COPG2: variants seen among roughly 807,000 people sequenced by gnomAD.
COPG2 encodes the protein coatomer subunit gamma-2.
Under a neutral mutation model 46.3 loss-of-function variants are expected in COPG2, and 37 were observed. That is an observed-to-expected ratio of 0.80 (90% CI 0.61 to 1.05). COPG2 has a LOEUF of 1.05. COPG2 is among the 50% of genes least tolerant of loss of function. The pLI is 0.00. For missense variants in COPG2, 427 were observed against 387.8 expected, an observed-to-expected ratio of 1.10 and a Z score of -0.85; for synonymous variants, 159 against 129.7, an observed-to-expected ratio of 1.23 and a Z score of -1.53.
At chr7:130,517,180 G>T (rs991934973) in intron 20 of COPG2, among the ~76,000 whole-genome samples, 7 of 152,294 alleles carry the variant, frequency 4.6e-5, no homozygotes, top group South Asian at 2.1e-4. Flanking sequence ...GGTATTGACT[G>T]GGGGGTAAAG....
Position 130,616,627 on chromosome 7 carries a change from T to TA in COPG2, c.399+362dup, listed in dbSNP as rs559085642. On this transcript the variant is annotated intron_variant, in intron 6 of 23. Transcript: ENST00000425248. ...GAAAAAAAATCTGCTGTTGAATTCT[T>TA]AAAGCTGCCCAATTTCTTGCCCTGG... Among the ~76,000 whole-genome samples the TA allele has an allele frequency of 2.4e-3, 372 of 152,274 alleles. 1 individual carries two copies. Among genetic ancestry groups the TA allele is most frequent in the Non-Finnish European group, 3.4e-3 (234 of 68,016 alleles).
At chr7:130,624,907 CT>C (rs1795092233) in intron 5 of COPG2, among the ~76,000 whole-genome samples, 1 of 152,152 alleles carries the variant, frequency 6.6e-6, no homozygotes, top group Non-Finnish European at 1.5e-5. Flanking sequence ...ATAATGACTT[CT>C]TTTCCTTCGA....
At chr7:130,620,580 A>G (rs2116521299) in intron 5 of COPG2, among the ~76,000 whole-genome samples, 1 of 152,298 alleles carries the variant, frequency 6.6e-6, no homozygotes, top group African/African-American at 2.4e-5. Context: ...GGGAATGTAT[A>G]TAATTGTTAT....
intron 12 of COPG2, 132 bp downstream of exon 12, chr7:130,560,901 C>T (rs1793708311): frequency 2.5e-6 from 1 of 395,868 alleles, no homozygotes; most frequent in South Asian, 1.4e-4. Flanking sequence ...ACAGTAATAA[C>T]TATGAAAGAA....
intron 20 of COPG2, among the ~76,000 whole-genome samples, chr7:130,537,193 C>T (rs1007636064): frequency 1.3e-5 from 2 of 151,962 alleles, no homozygotes; most frequent in Non-Finnish European, 2.9e-5. Context: ...GCAGAGGCTC[C>T]CCAGAGTGTT....
chr7:130,605,544 C>T (rs1366393050), intron 9 of COPG2, among the ~76,000 whole-genome samples: 1 of 152,122 alleles, frequency 6.6e-6, no homozygotes, highest in Non-Finnish European at 1.5e-5. Flanking sequence ...GGCTCTGACA[C>T]GTATGAATCA....
intron 3 of COPG2, among the ~76,000 whole-genome samples, chr7:130,666,292 T>C (rs947743478): frequency 7.2e-5 from 11 of 152,232 alleles, no homozygotes; most frequent in Non-Finnish European, 7.3e-5. Context: ...GATCTTGCAC[T>C]GTATTTTCAG....
At chr7:130,550,713 C>A in intron 16 of COPG2, 64 bp from the exon 17 acceptor site, 1 of 388,940 alleles carries the variant, frequency 2.6e-6, no homozygotes, top group Non-Finnish European at 4.5e-6. Flanking sequence ...CAAATAGGCC[C>A]AGGTTTGTAA....
chr7:130,513,289 C>CT (rs1799626803), intron 20 of COPG2, among the ~76,000 whole-genome samples: 2 of 11,614 alleles, frequency 1.7e-4, no homozygotes, highest in African/African-American at 4.2e-4. Flanking sequence ...ATAATTCTGT[C>CT]TAAAAAAAAA....
intron 9 of COPG2, among the ~76,000 whole-genome samples, chr7:130,598,964 TC>T (rs1794581947): frequency 6.6e-6 from 1 of 152,166 alleles, no homozygotes. Context: ...GTTGCAAAGT[TC>T]CACGTCAAAA....
chr7:130,577,155 G>C (rs1049971541), intron 9 of COPG2, among the ~76,000 whole-genome samples: 2 of 152,216 alleles, frequency 1.3e-5, no homozygotes, highest in Non-Finnish European at 2.9e-5. Context: ...CAGAATGATT[G>C]AGAAGGAGGA....
At chr7:130,537,002 G>T (rs1269182215) in intron 20 of COPG2, among the ~76,000 whole-genome samples, 2 of 151,952 alleles carry the variant, frequency 1.3e-5, no homozygotes, top group Non-Finnish European at 2.9e-5. Context: ...GTGGGAGGAG[G>T]GTGGGACTGA....
At chr7:130,631,359 T>C (rs1038921698) in intron 5 of COPG2, among the ~76,000 whole-genome samples, 8 of 152,032 alleles carry the variant, frequency 5.3e-5, no homozygotes, top group African/African-American at 1.4e-4. Context: ...GGTTTCGCCA[T>C]GTTGGCCAGG....
Position 130,506,747 on chromosome 7 carries a change from C to T in COPG2, c.2545G>A (p.Val849Met), listed in dbSNP as rs1799498173. Residue 849 changes from valine (V) to methionine (M), a missense_variant, in exon 24 of 24, where the codon GTG becomes ATG. Coordinates refer to ENST00000425248, the MANE Select transcript of COPG2 (RefSeq NM_012133.6). The stretch of plus-strand genomic sequence containing the variant: ...CTTCTGACAGTCACCTGCATGGTCA[C>T]TCCATCGGCTAAGGCCAGCCTGGAC... ...VRSRLALADG[V>M]TMQVTVRSKE... 1.3e-6 allele frequency: 1 copy of T among 780,512 alleles called. No homozygotes were observed. Among genetic ancestry groups the T allele is most frequent in the African/African-American group, 1.7e-5 (1 of 59,130 alleles). 48.3% of individuals were successfully genotyped at this position (780,512 alleles called of 1,614,324 possible).
chr7:130,517,902 G>A (rs1799692163), intron 20 of COPG2, among the ~76,000 whole-genome samples: 1 of 148,340 alleles, frequency 6.7e-6, no homozygotes, highest in South Asian at 2.2e-4. Flanking sequence ...ATCTCAGAAG[G>A]AGTCTAATGG....
intron 5 of COPG2, among the ~76,000 whole-genome samples, chr7:130,641,473 AGAG>A (rs1316078921): frequency 2.6e-5 from 4 of 152,222 alleles, no homozygotes; most frequent in African/African-American, 9.6e-5. Context: ...GAGAAATCAA[AGAG>A]GAGAGGAAAT....
At chr7:130,525,208 C>A (rs886169270) in intron 20 of COPG2, among the ~76,000 whole-genome samples, 3 of 152,106 alleles carry the variant, frequency 2.0e-5, no homozygotes, top group Non-Finnish European at 4.4e-5. Flanking sequence ...CCTCACAAAT[C>A]TGTGGGGGTG....
chr7:130,613,474 A>AGT (rs1226384911), intron 7 of COPG2, 70 bp downstream of exon 7: 6 of 848,630 alleles, frequency 7.1e-6, no homozygotes, highest in Non-Finnish European at 1.2e-5. Context: ...AGACAATCAT[A>AGT]GTGATACTTT....
intron 6 of COPG2, among the ~76,000 whole-genome samples, chr7:130,615,587 T>C (rs1322348510): frequency 6.6e-6 from 1 of 152,246 alleles, no homozygotes; most frequent in Non-Finnish European, 1.5e-5. Context: ...AAATTTCATG[T>C]CAGGGAATTA....
Sources: gnomAD v4.1 joint callset for allele counts (sites outside exome capture counted in the v4.1 genomes callset) on GRCh38, gnomAD v4.1.1 for gene constraint, MANE v1.5 for transcripts, NCBI Gene and HGNC (gene_info 2026-07-23, HGNC 2026-07-21) for gene names.